Variants in RPS6KC1 observed in about 807,000 individuals in gnomAD.
RPS6KC1 encodes the protein inactive ribosomal protein S6 kinase delta-1.
In RPS6KC1, 54 loss-of-function variants were observed where a neutral mutation model predicts 103.8. That is an observed-to-expected ratio of 0.52 (90% CI 0.42 to 0.65). The LOEUF is 0.65. RPS6KC1 is among the 30% of genes least tolerant of loss of function. The pLI, the probability that RPS6KC1 is intolerant of heterozygous loss-of-function variation, is 0.00. For missense variants in RPS6KC1, 1,151 were observed against 1,253.8 expected (o/e 0.92, Z 1.24); for synonymous variants, 439 against 438.7 (o/e 1.00, Z -0.01).
chr1:213,176,603 C>G, intron 8 of RPS6KC1, 111 bp downstream of exon 8: 1 of 648,892 alleles, frequency 1.5e-6, no homozygotes, highest in South Asian at 2.7e-5. Context: ...GAAAATGACT[C>G]AAATGCATGT....
the RPS6KC1 span, among the ~76,000 whole-genome samples, chr1:213,388,444 G>T: frequency 1.3e-5 from 2 of 152,350 alleles, no homozygotes; most frequent in African/African-American, 4.8e-5. Flanking sequence ...ACTCAGGTGG[G>T]GGCCTGGTGG....
chr1:213,748,905 C>G, the RPS6KC1 span, among the ~76,000 whole-genome samples: 5 of 152,142 alleles, frequency 3.3e-5, no homozygotes, highest in African/African-American at 1.2e-4. Flanking sequence ...GTTTGGATAC[C>G]TCATGTAAAT....
At chr1:213,578,994 T>C in the RPS6KC1 span, among the ~76,000 whole-genome samples, 1 of 152,040 alleles carries the variant, frequency 6.6e-6, no homozygotes, top group Admixed American at 6.5e-5. Flanking sequence ...TCATCTTGAA[T>C]TGTAGATCCC....
the RPS6KC1 span, among the ~76,000 whole-genome samples, chr1:213,383,786 C>T: frequency 6.6e-6 from 1 of 151,696 alleles, no homozygotes; most frequent in Non-Finnish European, 1.5e-5. Context: ...GAAAGGCCAC[C>T]TGAGGACACA....
chr1:213,459,479 T>A, the RPS6KC1 span, among the ~76,000 whole-genome samples: 1 of 152,206 alleles, frequency 6.6e-6, no homozygotes, highest in African/African-American at 2.4e-5. Context: ...ATTTGATTAT[T>A]TTTTCTTCTA....
the RPS6KC1 span, among the ~76,000 whole-genome samples, chr1:213,742,765 G>C: frequency 1.3e-5 from 2 of 152,262 alleles, no homozygotes; most frequent in African/African-American, 2.4e-5. Context: ...GAGACTGGAA[G>C]CACTGCATGC....
the RPS6KC1 span, among the ~76,000 whole-genome samples, chr1:213,719,902 T>C: frequency 6.6e-6 from 1 of 152,226 alleles, no homozygotes; most frequent in African/African-American, 2.4e-5. Context: ...TTACGTGATA[T>C]ACTCTGATAT....
chr1:213,589,503 G>A, the RPS6KC1 span, among the ~76,000 whole-genome samples: 38 of 152,070 alleles, frequency 2.5e-4, 1 homozygote, highest in South Asian at 6.2e-4. Context: ...TTAGCCAGGC[G>A]TGGTGGTGGG....
chr1:213,058,624 T>G (rs1026485096), intron 1 of RPS6KC1, among the ~76,000 whole-genome samples: 1 of 152,186 alleles, frequency 6.6e-6, no homozygotes. Flanking sequence ...TGGATTCTCT[T>G]ATTTTGTTCC....
At chr1:213,587,242 G>T in the RPS6KC1 span, among the ~76,000 whole-genome samples, 2 of 152,042 alleles carry the variant, frequency 1.3e-5, no homozygotes, top group African/African-American at 4.8e-5. Context: ...ATCTGCGGTG[G>T]GGGCCAGAGA....
chr1:213,624,388 A>G, the RPS6KC1 span, among the ~76,000 whole-genome samples: 3 of 152,248 alleles, frequency 2.0e-5, no homozygotes, highest in African/African-American at 7.2e-5. Context: ...ATGGGTAGAA[A>G]GGAAACAAGA....
the RPS6KC1 span, among the ~76,000 whole-genome samples, chr1:213,333,961 C>T: frequency 6.6e-6 from 1 of 152,136 alleles, no homozygotes; most frequent in African/African-American, 2.4e-5. Context: ...GGATTATAGG[C>T]GTGAGCCACT....
the RPS6KC1 span, among the ~76,000 whole-genome samples, chr1:213,517,757 G>C: frequency 3.3e-5 from 5 of 152,176 alleles, no homozygotes; most frequent in African/African-American, 9.7e-5. Flanking sequence ...GCTTGGTGCA[G>C]AGCTGAGTTC....
At chr1:213,437,772 C>T in the RPS6KC1 span, among the ~76,000 whole-genome samples, 1,211 of 151,360 alleles carry the variant, frequency 8.0e-3, 12 homozygotes, top group South Asian at 0.014. Flanking sequence ...TTATAATTCG[C>T]TGGGATTTTT....
the RPS6KC1 span, among the ~76,000 whole-genome samples, chr1:213,396,752 G>A: frequency 5.9e-5 from 9 of 152,192 alleles, no homozygotes; most frequent in South Asian, 2.1e-4. Context: ...CGTTTGTGGC[G>A]CTCCTGCACC....
chr1:213,771,809 T>C, the RPS6KC1 span, among the ~76,000 whole-genome samples: 1 of 152,216 alleles, frequency 6.6e-6, no homozygotes. Flanking sequence ...TATGAACACT[T>C]AGCAATGATA....
chr1:213,179,842 G>T (rs959073847), intron 8 of RPS6KC1, among the ~76,000 whole-genome samples: 1 of 152,172 alleles, frequency 6.6e-6, no homozygotes, highest in Non-Finnish European at 1.5e-5. Flanking sequence ...TCAGTACCTA[G>T]AATCGCTTGG....
chr1:213,829,234 C>T, the RPS6KC1 span, among the ~76,000 whole-genome samples: 1 of 123,616 alleles, frequency 8.1e-6, no homozygotes, highest in Non-Finnish European at 1.6e-5. Flanking sequence ...GTCATGGGTA[C>T]AGTCACAGGA....
At chr1:213,560,144 C>T in the RPS6KC1 span, among the ~76,000 whole-genome samples, 2 of 152,270 alleles carry the variant, frequency 1.3e-5, no homozygotes, top group African/African-American at 4.8e-5. Context: ...CAATGACTCC[C>T]AGCCCCTGAT....
Sources: allele counts gnomAD v4.1 joint callset (sites outside exome capture counted in the v4.1 genomes callset), GRCh38; gene constraint gnomAD v4.1.1; transcripts MANE v1.5; gene names NCBI Gene and HGNC (gene_info 2026-07-23, HGNC 2026-07-21).